CHRDL1: variants seen among roughly 807,000 people sequenced by gnomAD.
CHRDL1 encodes the protein chordin like 1.
In CHRDL1, 19 loss-of-function variants were observed where a neutral mutation model predicts 40.9. That is an observed-to-expected ratio of 0.46 (90% CI 0.32 to 0.68). The LOEUF is 0.68. CHRDL1 is among the 30% of genes least tolerant of loss of function. The pLI is 0.03. For missense variants in CHRDL1, 329 were observed against 352.1 expected (o/e 0.93, Z 0.53); for synonymous variants, 136 against 123.4 (o/e 1.10, Z -0.68).
At chrX:110,694,633 T>C (rs2070349097) in intron 7 of CHRDL1, among the ~76,000 whole-genome samples, 1 of 112,452 alleles carries the variant, frequency 8.9e-6, no homozygotes, top group Non-Finnish European at 1.9e-5. Context: ...TAAAGCGTCC[T>C]TCCTGCTGCC....
intron 4 of CHRDL1, among the ~76,000 whole-genome samples, chrX:110,745,023 A>C: frequency 9.2e-6 from 1 of 108,810 alleles, no homozygotes; most frequent in African/African-American, 3.4e-5. Flanking sequence ...CACCCACTCC[A>C]ACATACATGC....
chrX:110,745,164 G>A (rs1217220382), intron 4 of CHRDL1, among the ~76,000 whole-genome samples: 1 of 111,652 alleles, frequency 9.0e-6, no homozygotes, highest in Non-Finnish European at 1.9e-5. Context: ...TTGACATCCA[G>A]AAATCTATCC....
intron 4 of CHRDL1, among the ~76,000 whole-genome samples, chrX:110,744,055 A>T (rs1194554970): frequency 8.9e-6 from 1 of 112,596 alleles, no homozygotes; most frequent in Non-Finnish European, 1.9e-5. Flanking sequence ...ACAGTGTCAT[A>T]ACACAGAGAG....
At chrX:110,780,302 C>CT (rs990380989) in intron 2 of CHRDL1, among the ~76,000 whole-genome samples, 1 of 110,564 alleles carries the variant, frequency 9.0e-6, no homozygotes, top group Middle Eastern at 4.7e-3. Context: ...TCTTTCTGAT[C>CT]TTTTTTTTCC....
intron 2 of CHRDL1, among the ~76,000 whole-genome samples, chrX:110,786,298 A>G (rs1041843828): frequency 1.2e-4 from 14 of 112,492 alleles, no homozygotes; most frequent in African/African-American, 4.5e-4. Flanking sequence ...TTTCATCTTT[A>G]AAAACATTAT....
At position 110,769,405 on chromosome X, in the gene CHRDL1, T is replaced by C. The variant is rs372887052; in HGVS notation, c.95-6598A>G. On this transcript the variant is annotated intron_variant, in intron 2 of 11. Coordinates refer to ENST00000372042, the MANE Select transcript of CHRDL1 (RefSeq NM_001143981.2). ...GCTAAGAGAAGATATTGTGAACAAA[T>C]AGTAAACAAAATATTAGTATTGGAA... Among the ~76,000 whole-genome samples the C allele has an allele frequency of 9.8e-5, 11 of 112,244 alleles. No individual in the cohort carries two copies. In the South Asian group the frequency reaches 3.7e-3, roughly 38 times the overall value.
intron 2 of CHRDL1, among the ~76,000 whole-genome samples, chrX:110,787,324 G>A (rs1218352001): frequency 1.8e-5 from 2 of 111,546 alleles, no homozygotes; most frequent in Non-Finnish European, 3.8e-5. Flanking sequence ...AGGTACATAA[G>A]TAAGTCAAGG....
At chrX:110,738,217 T>C (rs961492861) in intron 4 of CHRDL1, among the ~76,000 whole-genome samples, 4 of 112,017 alleles carry the variant, frequency 3.6e-5, no homozygotes, top group Non-Finnish European at 7.5e-5. Flanking sequence ...TGCACTCCTT[T>C]GGCTCACATC....
intron 4 of CHRDL1, among the ~76,000 whole-genome samples, chrX:110,728,934 A>G (rs1258560784): frequency 8.9e-6 from 1 of 112,049 alleles, no homozygotes; most frequent in Non-Finnish European, 1.9e-5. Context: ...CAGGAGTCCA[A>G]GTCCAGCCTA....
chrX:110,730,920 C>T (rs1431521798), intron 4 of CHRDL1, among the ~76,000 whole-genome samples: 1 of 111,960 alleles, frequency 8.9e-6, no homozygotes, highest in African/African-American at 3.2e-5. Context: ...TCCATTTCCC[C>T]CTTCATACAT....
At chrX:110,782,724 A>G (rs2089964992) in intron 2 of CHRDL1, among the ~76,000 whole-genome samples, 1 of 112,299 alleles carries the variant, frequency 8.9e-6, no homozygotes, top group East Asian at 2.8e-4. Flanking sequence ...TGAAATCTTG[A>G]TGGGAAGACA....
intron 4 of CHRDL1, among the ~76,000 whole-genome samples, chrX:110,726,822 T>C (rs1415406953): frequency 8.9e-6 from 1 of 112,278 alleles, no homozygotes; most frequent in Non-Finnish European, 1.9e-5. Context: ...TGCTTTGCAC[T>C]GATGTGTATG....
intron 1 of CHRDL1, among the ~76,000 whole-genome samples, chrX:110,793,711 T>C (rs1340945208): frequency 2.7e-5 from 3 of 112,498 alleles, no homozygotes; most frequent in East Asian, 5.6e-4. Context: ...TGAAATCCAA[T>C]TTATCACATT....
intron 4 of CHRDL1, among the ~76,000 whole-genome samples, chrX:110,737,132 C>T (rs1011239960): frequency 1.8e-5 from 2 of 111,972 alleles, no homozygotes; most frequent in Non-Finnish European, 1.9e-5. Context: ...CTCTTACACA[C>T]GGACACACAG....
intron 6 of CHRDL1, among the ~76,000 whole-genome samples, chrX:110,710,480 C>A (rs913867985): frequency 1.8e-5 from 2 of 112,304 alleles, no homozygotes; most frequent in Admixed American, 9.4e-5. Context: ...GTATTACTGA[C>A]CCTGACAGGA....
chrX:110,697,814 C>CCACACACACACACACA (rs60454872), intron 7 of CHRDL1, among the ~76,000 whole-genome samples: 1 of 55,134 alleles, frequency 1.8e-5, no homozygotes, highest in Non-Finnish European at 3.7e-5. Context: ...CCACACCACT[C>CCACACACACACACACA]CACACACACA....
At chrX:110,763,501 CAT>C (rs1487631964) in intron 2 of CHRDL1, among the ~76,000 whole-genome samples, 1 of 107,353 alleles carries the variant, frequency 9.3e-6, no homozygotes, top group Admixed American at 1.0e-4. Flanking sequence ...TACACACACA[CAT>C]ATATATATAC....
At chrX:110,743,433 C>A (rs2071395772) in intron 4 of CHRDL1, among the ~76,000 whole-genome samples, 1 of 112,096 alleles carries the variant, frequency 8.9e-6, no homozygotes, top group Non-Finnish European at 1.9e-5. Flanking sequence ...GCTATCCAGT[C>A]CTGCCTTAAA....
chrX:110,726,192 G>A (rs181758374), intron 4 of CHRDL1, among the ~76,000 whole-genome samples: 5 of 111,381 alleles, frequency 4.5e-5, no homozygotes, highest in African/African-American at 1.3e-4. Context: ...TGGTCTCTGG[G>A]GTCCCAGCTG....
Sources: gnomAD v4.1 joint callset for allele counts (sites outside exome capture counted in the v4.1 genomes callset) on GRCh38, gnomAD v4.1.1 for gene constraint, MANE v1.5 for transcripts, NCBI Gene and HGNC (gene_info 2026-07-23, HGNC 2026-07-21) for gene names.